The following SPCS1 variants were observed in gnomAD, a reference collection of about 807,000 sequenced individuals.
SPCS1 encodes the protein SPase 12 kDa subunit.
Under a neutral mutation model 16.4 loss-of-function variants are expected in SPCS1, and 10 were observed. That is an observed-to-expected ratio of 0.61 (90% CI 0.38 to 1.03). The LOEUF is 1.03. Ranked by LOEUF, SPCS1 falls within the 50% of genes least tolerant of loss-of-function variation. The probability of loss-of-function intolerance (pLI) is 0.01; values close to 1 mark genes in which losing one functional copy is unlikely to be tolerated. For missense variants in SPCS1, 118 were observed against 123.8 expected, an observed-to-expected ratio of 0.95 and a Z score of 0.22; for synonymous variants, 47 against 42.5, an observed-to-expected ratio of 1.10 and a Z score of -0.41.
chr3:52,706,200 C>T lies in SPCS1; in HGVS notation c.-47C>T. On this transcript the variant is annotated 5_prime_UTR_variant, in exon 1 of 4. Transcript: ENST00000619898. ...GTCCTTAAGTCTCGGTCGCCCTCGC[C>T]TCGCAGCCTGCCACCCGCGCTCAGC... 2 of 1,565,224 alleles carry T rather than the reference C, an allele frequency of 1.3e-6. No individual in the cohort carries two copies. Among genetic ancestry groups the T allele is most frequent in the Non-Finnish European group, 1.7e-6 (2 of 1,162,136 alleles).
At chr3:52,706,521 G>A in intron 1 of SPCS1, 123 bp from the exon 2 acceptor site, 2 of 961,538 alleles carry the variant, frequency 2.1e-6, no homozygotes, top group Non-Finnish European at 1.6e-6. Flanking sequence ...TCTTGCCCAG[G>A]CCCTTAGGAG....
intron 3 of SPCS1, 170 bp from the exon 4 acceptor site, chr3:52,707,515 CAT>C: frequency 1.6e-6 from 1 of 636,982 alleles, no homozygotes; most frequent in Admixed American, 3.0e-5. Context: ...TTCCCATCAT[CAT>C]ACAGTATTTT....
chr3:52,706,840 T>G lies in SPCS1; in HGVS notation c.144T>G (p.Thr48=), dbSNP rs144743254. Residue 48 remains threonine (T), a synonymous_variant, in exon 3 of 4, where the codon ACT becomes ACG. Coordinates refer to ENST00000619898, the MANE Select transcript of SPCS1 (RefSeq NM_014041.5). ...YGYVAEQFGW[T]VYIVMAGFAF... Reference sequence around the variant, plus strand: ...ACGTGGCTGAACAGTTCGGGTGGACTGTCTATATAGTTATGGCCGGATTTG... The same window carrying G: ...ACGTGGCTGAACAGTTCGGGTGGACGGTCTATATAGTTATGGCCGGATTTG... 4.5e-5 allele frequency: 73 copies of G among 1,614,082 alleles called. No homozygotes were observed. The African/African-American group carries it at 8.3e-4, about 18-fold the overall frequency.
Position 52,709,652 on chromosome 3 carries a change from G to C in SPCS1, c.*1840G>C, listed in dbSNP as rs2097348401. 1 of 126,954 alleles carries C rather than the reference G, an allele frequency of 7.9e-6. No homozygotes were observed. The highest frequency in any genetic ancestry group is 3.0e-5 in the African/African-American group (1 of 33,128). 7.9% of individuals were successfully genotyped at this position (126,954 alleles called of 1,614,324 possible). On this transcript the variant is annotated 3_prime_UTR_variant, in exon 4 of 4. Coordinates refer to ENST00000619898, the MANE Select transcript of SPCS1 (RefSeq NM_014041.5). ...GGAGGTCAAGGCTGCAGTGAGCTATGATCACCTCACTGCACTCCAGGCTGG... is the reference window on the plus strand; with the variant it reads ...GGAGGTCAAGGCTGCAGTGAGCTATCATCACCTCACTGCACTCCAGGCTGG...
At position 52,706,307 on chromosome 3, in the gene SPCS1, T is replaced by C. The variant is rs752624454; in HGVS notation, c.36+25T>C. 19 of 1,588,238 alleles carry C rather than the reference T, an allele frequency of 1.2e-5. No individual in the cohort carries two copies. The East Asian group carries it at 4.3e-4, about 36-fold the overall frequency. On this transcript the variant is annotated intron_variant, in intron 1 of 3. Coordinates refer to ENST00000619898, the MANE Select transcript of SPCS1 (RefSeq NM_014041.5). ...GGTGAGGGCGCAACCCGGGGACCTC[T>C]GCACGCCGTTCTTGTGCCTGGCAGC...
rs896441797 is a variant in SPCS1 at position 52,710,846 on chromosome 3, G to A, written c.*3034G>A. On this transcript the variant is annotated 3_prime_UTR_variant, in exon 4 of 4. Transcript: ENST00000619898. ...ACAGAAGTGAAAATGTACTATTCAA[G>A]ACTTGTATTTAACTTCATAAAATTT... is the stretch of plus-strand genomic sequence containing the variant. 6.6e-6 allele frequency: 1 copy of A among 152,080 alleles called. No individual in the cohort carries two copies. The highest frequency in any genetic ancestry group is 6.5e-5 in the Admixed American group (1 of 15,272). 9.4% of individuals were successfully genotyped at this position (152,080 alleles called of 1,614,324 possible). A position where few individuals can be genotyped will look rare whatever the true frequency, so the allele number is the denominator to read the frequency against.
chr3:52,706,591 T>G lies in SPCS1; in HGVS notation c.37-53T>G, dbSNP rs966538781. 3.2e-5 allele frequency: 50 copies of G among 1,541,806 alleles called. No homozygotes were observed. The Admixed American group carries it at 8.2e-4, about 25-fold the overall frequency. On this transcript the variant is annotated intron_variant, in intron 1 of 3. Transcript: ENST00000619898. ...CAGAGTTGTGAGGTCAGGGCAGGAA[T>G]TGTATGTTCTCGGCGGTGGAACCAA...
In SPCS1 at chr3:52,706,166, C is replaced by A; in HGVS notation, c.-81C>A. 1.3e-6 allele frequency: 2 copies of A among 1,544,964 alleles called. No individual in the cohort carries two copies. The highest frequency in any genetic ancestry group is 1.4e-5 in the African/African-American group (1 of 73,188). On this transcript the variant is annotated 5_prime_UTR_variant, in exon 1 of 4. Coordinates refer to ENST00000619898, the MANE Select transcript of SPCS1 (RefSeq NM_014041.5). Reference sequence around the variant, plus strand: ...TACTGACGCGCAGTGCCAGACCTTACCCCTCACGGTCCTTAAGTCTCGGTC... The same window carrying A: ...TACTGACGCGCAGTGCCAGACCTTAACCCTCACGGTCCTTAAGTCTCGGTC...
chr3:52,707,119 C>G, intron 3 of SPCS1: 1 of 498,386 alleles, frequency 2.0e-6, no homozygotes, highest in Non-Finnish European at 3.6e-6. Flanking sequence ...AGGTCAAAGC[C>G]AGCAGGAGTT....
At position 52,707,898 on chromosome 3, in the gene SPCS1, A is replaced by AT; in HGVS notation, c.*87dup. On this transcript the variant is annotated 3_prime_UTR_variant, in exon 4 of 4. Coordinates refer to ENST00000619898, the MANE Select transcript of SPCS1 (RefSeq NM_014041.5). Reference sequence around the variant, plus strand: ...CCCAGATAAGAGCTAAAACCACCTAATGCTCTTATGGCACAGCTGTGTATA... The same window carrying AT: ...CCCAGATAAGAGCTAAAACCACCTAATTGCTCTTATGGCACAGCTGTGTATA... 6.7e-7 allele frequency: 1 copy of AT among 1,483,372 alleles called. No individual in the cohort carries two copies. Among genetic ancestry groups the AT allele is most frequent in the Non-Finnish European group, 9.4e-7 (1 of 1,068,038 alleles). The allele number at this position is 1,483,372 out of a possible 1,614,324, so 91.9% of individuals were successfully genotyped here.
Position 52,706,887 on chromosome 3 carries a change from A to G in SPCS1, c.183+8A>G. 1 of 1,608,030 alleles carries G rather than the reference A, an allele frequency of 6.2e-7. No individual in the cohort carries two copies. The highest frequency in any genetic ancestry group is 8.5e-7 in the Non-Finnish European group (1 of 1,174,732). On this transcript the variant is annotated splice_region_variant and intron_variant, in intron 3 of 3. Coordinates refer to ENST00000619898, the MANE Select transcript of SPCS1 (RefSeq NM_014041.5). ...TTTGCTTTTTCATGTTTGGTAAGAA[A>G]TTTGTGGGTATTAGTGGCAGCTTGG...
Position 52,706,664 on chromosome 3 carries a change from A to G in SPCS1, c.57A>G (p.Leu19=), listed in dbSNP as rs775349376. ...CCCAGGATTACAAGGGCCAGAAGCTAGCTGAACAGATGTTTCAGGGAATTA... is the reference window on the plus strand; with the variant it reads ...CCCAGGATTACAAGGGCCAGAAGCTGGCTGAACAGATGTTTCAGGGAATTA... ...PTQMDYKGQK[L]AEQMFQGIIL... is the part of the protein sequence containing the mutation. The change falls in exon 2 of 4, where the codon CTA becomes CTG. Residue 19 remains leucine (L), a synonymous_variant. Transcript: ENST00000619898. 1.2e-6 allele frequency: 2 copies of G among 1,614,118 alleles called. No individual in the cohort carries two copies. Among genetic ancestry groups the G allele is most frequent in the East Asian group, 4.5e-5 (2 of 44,888 alleles).
chr3:52,706,187 C>T lies in SPCS1; in HGVS notation c.-60C>T. The T allele has an allele frequency of 6.4e-7, 1 of 1,552,366 alleles. No homozygotes were observed. The highest frequency in any genetic ancestry group is 1.2e-5 in the South Asian group (1 of 85,734). On this transcript the variant is annotated 5_prime_UTR_variant, in exon 1 of 4. Transcript: ENST00000619898. ...CTTACCCCTCACGGTCCTTAAGTCT[C>T]GGTCGCCCTCGCCTCGCAGCCTGCC...
chr3:52,707,935 C>G lies in SPCS1; in HGVS notation c.*123C>G. 3 of 1,204,924 alleles carry G rather than the reference C, an allele frequency of 2.5e-6. No individual in the cohort carries two copies. Among genetic ancestry groups the G allele is most frequent in the South Asian group, 3.0e-5 (2 of 67,504 alleles). 74.6% of individuals were successfully genotyped at this position (1,204,924 alleles called of 1,614,324 possible). On this transcript the variant is annotated 3_prime_UTR_variant, in exon 4 of 4. Coordinates refer to ENST00000619898, the MANE Select transcript of SPCS1 (RefSeq NM_014041.5). ...CACAGCTGTGTATAGATTTAGTTCTCTTTATACTTCATTTCTAGCCCAGTT... is the reference window on the plus strand; with the variant it reads ...CACAGCTGTGTATAGATTTAGTTCTGTTTATACTTCATTTCTAGCCCAGTT...
In SPCS1 at chr3:52,709,368, G is replaced by T. The variant is rs6445534; in HGVS notation, c.*1556G>T. The T allele has an allele frequency of 6.6e-6, 1 of 151,718 alleles. No individual in the cohort carries two copies. Among genetic ancestry groups the T allele is most frequent in the Non-Finnish European group, 1.5e-5 (1 of 67,962 alleles). The allele number at this position is 151,718 out of a possible 1,614,324, so 9.4% of individuals were successfully genotyped here. ...AAAAACGATAAAAGTGGGAAGAAAA[G>T]ATGTTTAAACAAAATAAAAATATAC... On this transcript the variant is annotated 3_prime_UTR_variant, in exon 4 of 4. Transcript: ENST00000619898.
chr3:52,709,559 G>C lies in SPCS1; in HGVS notation c.*1747G>C, dbSNP rs1230670725. ...CACAAAAAATTTTAAAAATTAGCCA[G>C]GTGTGGTGGTGCATGCCTGTGGTCC... On this transcript the variant is annotated 3_prime_UTR_variant, in exon 4 of 4. Transcript: ENST00000619898. 6.6e-6 allele frequency: 1 copy of C among 151,878 alleles called. No individual in the cohort carries two copies. Among genetic ancestry groups the C allele is most frequent in the Non-Finnish European group, 1.5e-5 (1 of 68,022 alleles). The allele number at this position is 151,878 out of a possible 1,614,324, so 9.4% of individuals were successfully genotyped here. A position where few individuals can be genotyped will look rare whatever the true frequency, so the allele number is the denominator to read the frequency against.
Position 52,709,561 on chromosome 3 carries a change from TGTG to T in SPCS1, c.*1756_*1758del, listed in dbSNP as rs1311962575. Reference sequence around the variant, plus strand: ...CAAAAAATTTTAAAAATTAGCCAGGTGTGGTGGTGCATGCCTGTGGTCCTAGCT... The same window carrying T: ...CAAAAAATTTTAAAAATTAGCCAGGTGTGGTGCATGCCTGTGGTCCTAGCT... On this transcript the variant is annotated 3_prime_UTR_variant, in exon 4 of 4. Coordinates refer to ENST00000619898, the MANE Select transcript of SPCS1 (RefSeq NM_014041.5). 6.6e-6 allele frequency: 1 copy of T among 151,058 alleles called. No individual in the cohort carries two copies. The highest frequency in any genetic ancestry group is 1.5e-5 in the Non-Finnish European group (1 of 67,828). The allele number at this position is 151,058 out of a possible 1,614,324, so 9.4% of individuals were successfully genotyped here. A position where few individuals can be genotyped will look rare whatever the true frequency, so the allele number is the denominator to read the frequency against.
At chr3:52,706,616 ATTC>A (rs762671939) in intron 1 of SPCS1, 25 bp from the exon 2 acceptor site, 3 of 1,610,024 alleles carry the variant, frequency 1.9e-6, no homozygotes, top group Non-Finnish European at 8.5e-7. Flanking sequence ...GGTGGAACCA[ATTC>A]TTTTTTTCCT....
Position 52,706,201 on chromosome 3 carries a change from T to C in SPCS1, c.-46T>C. 1 of 1,565,838 alleles carries C rather than the reference T, an allele frequency of 6.4e-7. No individual in the cohort carries two copies. Among genetic ancestry groups the C allele is most frequent in the Non-Finnish European group, 8.6e-7 (1 of 1,162,506 alleles). On this transcript the variant is annotated 5_prime_UTR_variant, in exon 1 of 4. Coordinates refer to ENST00000619898, the MANE Select transcript of SPCS1 (RefSeq NM_014041.5). ...TCCTTAAGTCTCGGTCGCCCTCGCCTCGCAGCCTGCCACCCGCGCTCAGCT... is the reference window on the plus strand; with the variant it reads ...TCCTTAAGTCTCGGTCGCCCTCGCCCCGCAGCCTGCCACCCGCGCTCAGCT...
Sources: gnomAD v4.1 joint callset for allele counts on GRCh38, gnomAD v4.1.1 for gene constraint, MANE v1.5 for transcripts, NCBI Gene and HGNC (gene_info 2026-07-23, HGNC 2026-07-21) for gene names.